UMAD1: variants seen among roughly 807,000 people sequenced by gnomAD.
UMAD1 encodes UBAP1-MVB12-associated (UMA)-domain containing protein 1.
In UMAD1, 8 loss-of-function variants were observed where a neutral mutation model predicts 6.1. That is an observed-to-expected ratio of 1.30 (90% confidence interval 0.76 to 2.35). The LOEUF (loss-of-function observed/expected upper bound fraction) is 2.35. Ranked by LOEUF, UMAD1 falls within the 30% of genes most tolerant of loss-of-function variation. The pLI, the probability that UMAD1 is intolerant of heterozygous loss-of-function variation, is 0.00. For synonymous variants in UMAD1, 56 were observed against 31.4 expected (o/e 1.78, Z -2.61); for missense variants, 130 against 78.4 (o/e 1.66, Z -2.49).
At position 7,797,454 on chromosome 7, in the gene UMAD1, A is replaced by G. The variant is rs141974979; in HGVS notation, c.83-4216A>G. 4.6e-5 allele frequency among the ~76,000 whole-genome samples: 7 copies of G among 152,232 alleles called. No individual in the cohort carries two copies. The East Asian group carries it at 1.4e-3, about 29-fold the overall frequency. ...GGAGTGGGAACCAAGTGTCTGCCCC[A>G]TCACCCACCTACCACCAACCCCTTC... On this transcript the variant is annotated intron_variant, in intron 2 of 3. Transcript: ENST00000682710.
At chr7:7,684,899 A>G (rs1257395760) in intron 2 of UMAD1, among the ~76,000 whole-genome samples, 1 of 152,206 alleles carries the variant, frequency 6.6e-6, no homozygotes, top group Non-Finnish European at 1.5e-5. Context: ...TGCTTATTCC[A>G]TACAACATCT....
chr7:7,871,757 G>C (rs554594698), intron 3 of UMAD1, among the ~76,000 whole-genome samples: 1 of 152,024 alleles, frequency 6.6e-6, no homozygotes, highest in East Asian at 1.9e-4. Flanking sequence ...GAATGAGAAA[G>C]CATGTCCCAA....
intron 3 of UMAD1, among the ~76,000 whole-genome samples, chr7:7,852,454 C>G (rs577463673): frequency 1.0e-3 from 158 of 152,312 alleles, no homozygotes; most frequent in Admixed American, 3.9e-3. Flanking sequence ...ACAACAGTCA[C>G]AAGTCCAGGC....
chr7:7,874,972 C>T (rs1178209915), intron 3 of UMAD1, among the ~76,000 whole-genome samples: 2 of 152,108 alleles, frequency 1.3e-5, no homozygotes, highest in African/African-American at 4.8e-5. Flanking sequence ...CGGGGTTTCT[C>T]CATGTTGGTC....
At chr7:7,649,740 C>A (rs1554309032) in intron 1 of UMAD1, among the ~76,000 whole-genome samples, 100,736 of 151,468 alleles carry the variant, frequency 0.67, 33,964 homozygotes, top group East Asian at 0.88. Flanking sequence ...GAATGTTTGT[C>A]TCTCTCCCCC....
At chr7:7,659,002 A>G (rs1353844636) in intron 1 of UMAD1, among the ~76,000 whole-genome samples, 1 of 152,154 alleles carries the variant, frequency 6.6e-6, no homozygotes, top group Non-Finnish European at 1.5e-5. Flanking sequence ...TGGTCTATTC[A>G]GGGATTCGAC....
At chr7:7,742,830 A>G (rs1583790972) in intron 2 of UMAD1, among the ~76,000 whole-genome samples, 1 of 152,190 alleles carries the variant, frequency 6.6e-6, no homozygotes, top group East Asian at 1.9e-4. Context: ...CTGTGATAGA[A>G]TATTTACTAT....
At chr7:7,733,184 T>G (rs927258246) in intron 2 of UMAD1, among the ~76,000 whole-genome samples, 2 of 152,086 alleles carry the variant, frequency 1.3e-5, no homozygotes, top group African/African-American at 4.8e-5. Flanking sequence ...TGTCCTTTAT[T>G]TGGATGGAAA....
intron 2 of UMAD1, among the ~76,000 whole-genome samples, chr7:7,775,443 G>A (rs796151577): frequency 6.6e-6 from 1 of 152,146 alleles, no homozygotes; most frequent in African/African-American, 2.4e-5. Context: ...CATTTTCCCT[G>A]CTGTCTCTCA....
chr7:7,685,872 G>T, intron 2 of UMAD1: 1 of 152,202 alleles, frequency 6.6e-6, no homozygotes, highest in East Asian at 1.9e-4. Context: ...GAAGAATGTG[G>T]TAAATTAGTG....
At chr7:7,832,402 C>T (rs1388596350) in intron 3 of UMAD1, among the ~76,000 whole-genome samples, 1 of 152,142 alleles carries the variant, frequency 6.6e-6, no homozygotes, top group Non-Finnish European at 1.5e-5. Context: ...CCTCCTTACT[C>T]ACTAAAGAGG....
intron 2 of UMAD1, among the ~76,000 whole-genome samples, chr7:7,725,907 G>C (rs1781129722): frequency 6.6e-6 from 1 of 152,208 alleles, no homozygotes; most frequent in Non-Finnish European, 1.5e-5. Context: ...ACCTGAAAGT[G>C]GACAGCTGCA....
At chr7:7,741,736 A>G (rs1477464668) in intron 2 of UMAD1, among the ~76,000 whole-genome samples, 1 of 151,920 alleles carries the variant, frequency 6.6e-6, no homozygotes, top group Non-Finnish European at 1.5e-5. Flanking sequence ...GATTTGCTAA[A>G]AACAACTGTA....
At chr7:7,701,665 G>A (rs1460842228) in intron 2 of UMAD1, among the ~76,000 whole-genome samples, 1 of 152,096 alleles carries the variant, frequency 6.6e-6, no homozygotes, top group African/African-American at 2.4e-5. Context: ...ATATGATTAG[G>A]AGGCTGATTA....
chr7:7,787,531 A>C (rs543997875), intron 2 of UMAD1, among the ~76,000 whole-genome samples: 1 of 152,258 alleles, frequency 6.6e-6, no homozygotes, highest in Non-Finnish European at 1.5e-5. Context: ...TACTTTATCA[A>C]AACTCCTTTG....
intron 3 of UMAD1, among the ~76,000 whole-genome samples, chr7:7,811,846 T>G (rs571948709): frequency 1.3e-5 from 2 of 152,040 alleles, no homozygotes; most frequent in Non-Finnish European, 2.9e-5. Flanking sequence ...CTAAGAGTGT[T>G]TGTCTTGGGA....
At chr7:7,692,206 CTGG>C in intron 2 of UMAD1, 1 of 152,320 alleles carries the variant, frequency 6.6e-6, no homozygotes, top group Non-Finnish European at 1.5e-5. Context: ...AGAGAAGGGA[CTGG>C]TGGTGGTGGT....
chr7:7,710,350 C>T (rs564657160), intron 2 of UMAD1, among the ~76,000 whole-genome samples: 1 of 152,084 alleles, frequency 6.6e-6, no homozygotes, highest in South Asian at 2.1e-4. Flanking sequence ...ACTTGCAAAA[C>T]TCAGCAGTAA....
chr7:7,659,520 G>A (rs1785423809), intron 1 of UMAD1, among the ~76,000 whole-genome samples: 1 of 152,108 alleles, frequency 6.6e-6, no homozygotes, highest in Non-Finnish European at 1.5e-5. Context: ...GTTCTCATTG[G>A]TTTCAAAGAA....
Sources: gnomAD v4.1 joint callset for allele counts (sites outside exome capture counted in the v4.1 genomes callset) on GRCh38, gnomAD v4.1.1 for gene constraint, MANE v1.5 for transcripts, NCBI Gene and HGNC (gene_info 2026-07-23, HGNC 2026-07-21) for gene names.